The following NEK4 variants were observed in gnomAD, a reference collection of about 807,000 sequenced individuals.
The protein encoded by NEK4 is serine/threonine-protein kinase Nek4.
NEK4 carries 86 observed loss-of-function variants against 98.4 expected under a neutral mutation model. The ratio of observed to expected loss-of-function variants is 0.87; its 90% CI spans 0.73 to 1.05. NEK4 has a LOEUF of 1.05. NEK4 is among the 50% of genes least tolerant of loss of function. NEK4 has a pLI of 0.00. For synonymous variants in NEK4, 328 were observed against 342.2 expected (o/e 0.96, Z 0.46); for missense variants, 898 against 950.3 (o/e 0.94, Z 0.72).
intron 6 of NEK4, 150 bp from the exon 7 acceptor site, chr3:52,752,486 A>G: frequency 2.8e-6 from 2 of 712,352 alleles, no homozygotes; most frequent in Non-Finnish European, 2.3e-6. Flanking sequence ...AATCCAAGGA[A>G]CTGAAAGCAG....
In NEK4 at chr3:52,746,779, AG is replaced by A. The variant is rs755236925; in HGVS notation, c.1631del (p.Thr544MetfsTer54). On this transcript the variant is annotated frameshift_variant, in exon 9 of 16. Coordinates refer to ENST00000233027, the MANE Select transcript of NEK4 (RefSeq NM_003157.6). LOFTEE classifies it high-confidence loss of function. ...CCTGTCTCTTTTCCCCTCTGTGCTC[AG>A]TCTGTTCTCTCCTCTTTTGCCGTCG... ...RQRRQKRREQ[T>X]EHRGEKRQVR... 6.2e-7 allele frequency: 1 copy of A among 1,614,110 alleles called. No individual in the cohort carries two copies. Among genetic ancestry groups the A allele is most frequent in the East Asian group, 2.2e-5 (1 of 44,878 alleles).
chr3:52,711,574 C>G lies in NEK4; in HGVS notation c.*203G>C. ...TGTCCTCACAAAGAGAATATGAAAG[C>G]CAAAGTTTTTTTTCTTTTGTGATCC... On this transcript the variant is annotated 3_prime_UTR_variant, in exon 16 of 16. Coordinates refer to ENST00000233027, the MANE Select transcript of NEK4 (RefSeq NM_003157.6). 1 of 412,870 alleles carries G rather than the reference C, an allele frequency of 2.4e-6. No individual in the cohort carries two copies. The highest frequency in any genetic ancestry group is 3.7e-5 in the East Asian group (1 of 26,998). 25.6% of individuals were successfully genotyped at this position (412,870 alleles called of 1,614,324 possible). A position where few individuals can be genotyped will look rare whatever the true frequency, so the allele number is the denominator to read the frequency against.
At chr3:52,713,709 G>A (rs1305752659) in intron 15 of NEK4, among the ~76,000 whole-genome samples, 3 of 149,554 alleles carry the variant, frequency 2.0e-5, no homozygotes, top group African/African-American at 7.4e-5. Flanking sequence ...CGGAAGAATC[G>A]CTTGAACCCG....
chr3:52,767,266 A>G (rs1208216384), intron 2 of NEK4, among the ~76,000 whole-genome samples: 3 of 151,976 alleles, frequency 2.0e-5, no homozygotes, highest in Non-Finnish European at 4.4e-5. Context: ...AATCTGGGCG[A>G]CAGTGACACT....
At chr3:52,743,271 A>G in intron 12 of NEK4, 81 bp downstream of exon 12, 1 of 1,043,436 alleles carries the variant, frequency 9.6e-7, no homozygotes, top group Admixed American at 1.9e-5. Context: ...AAATAAATGG[A>G]GCTGACATTT....
chr3:52,734,793 G>A, intron 15 of NEK4: 1 of 269,450 alleles, frequency 3.7e-6, no homozygotes, highest in South Asian at 4.9e-5. Context: ...AAAACTGTTG[G>A]CATTGATGAT....
At chr3:52,736,594 A>T (rs901818047) in intron 15 of NEK4, among the ~76,000 whole-genome samples, 2 of 152,118 alleles carry the variant, frequency 1.3e-5, no homozygotes, top group Non-Finnish European at 2.9e-5. Context: ...TCATAAAAAA[A>T]AAAAAAAAAA....
At chr3:52,763,071 ATTC>A (rs1698418673) in intron 5 of NEK4, among the ~76,000 whole-genome samples, 1 of 152,188 alleles carries the variant, frequency 6.6e-6, no homozygotes, top group South Asian at 2.1e-4. Context: ...TATTAAAATA[ATTC>A]TTATCTTCCT....
Position 52,746,682 on chromosome 3 carries a change from A to G in NEK4, c.1677+52T>C. 4 of 1,520,090 alleles carry G rather than the reference A, an allele frequency of 2.6e-6. No individual in the cohort carries two copies. In the South Asian group the frequency reaches 3.7e-5, roughly 14 times the overall value. 94.2% of individuals were successfully genotyped at this position (1,520,090 alleles called of 1,614,324 possible). ...TTGGCAATTGTTAATTGCTCTAAAT[A>G]GAAATTGAGTTTCCCAAAGTCCACC... is the stretch of plus-strand genomic sequence containing the variant. On this transcript the variant is annotated intron_variant, in intron 9 of 15. Transcript: ENST00000233027.
At chr3:52,768,202 G>A (rs1698647080) in intron 2 of NEK4, 136 bp downstream of exon 2, 2 of 729,630 alleles carry the variant, frequency 2.7e-6, no homozygotes, top group East Asian at 2.5e-5. Flanking sequence ...AAGAGTGACT[G>A]GGTCAACTTC....
chr3:52,770,859 G>A lies in NEK4; in HGVS notation c.-113C>T, dbSNP rs1698757904. ...AGGGGGCAGTGGGGGCGGCTGTTGA[G>A]GCAGCCGGGCCCGGGCGGGATTGCT... On this transcript the variant is annotated 5_prime_UTR_variant, in exon 1 of 16. Transcript: ENST00000233027. 3.3e-6 allele frequency: 3 copies of A among 918,410 alleles called. No individual in the cohort carries two copies. The highest frequency in any genetic ancestry group is 2.9e-5 in the South Asian group (2 of 68,448). 56.9% of individuals were successfully genotyped at this position (918,410 alleles called of 1,614,324 possible). A position where few individuals can be genotyped will look rare whatever the true frequency, so the allele number is the denominator to read the frequency against.
chr3:52,768,271 C>A, intron 2 of NEK4, 67 bp downstream of exon 2: 2 of 1,484,508 alleles, frequency 1.3e-6, no homozygotes, highest in Non-Finnish European at 1.8e-6. Flanking sequence ...AAAAATTTTC[C>A]TAAAATACAC....
chr3:52,744,029 C>A (rs1156366069), intron 11 of NEK4, among the ~76,000 whole-genome samples: 2 of 152,092 alleles, frequency 1.3e-5, no homozygotes, highest in African/African-American at 2.4e-5. Flanking sequence ...CTTTAATATC[C>A]CCCTCCTCTG....
chr3:52,715,856 C>CA (rs1239254065), intron 15 of NEK4, among the ~76,000 whole-genome samples: 2 of 152,216 alleles, frequency 1.3e-5, no homozygotes, highest in Non-Finnish European at 2.9e-5. Context: ...CACCACGTTG[C>CA]ATGTGAAGAG....
At chr3:52,750,176 T>A (rs2097402765) in intron 7 of NEK4, among the ~76,000 whole-genome samples, 1 of 152,208 alleles carries the variant, frequency 6.6e-6, no homozygotes, top group African/African-American at 2.4e-5. Context: ...TATCCACATA[T>A]AACCTTCCTC....
At position 52,760,843 on chromosome 3, in the gene NEK4, T is replaced by C. The variant is rs1258283520; in HGVS notation, c.915A>G (p.Val305=). The change falls in exon 6 of 16, where the codon GTA becomes GTG. Residue 305 remains valine, a synonymous_variant. Coordinates refer to ENST00000233027, the MANE Select transcript of NEK4 (RefSeq NM_003157.6). Reference sequence around the variant, plus strand: ...CAGAAGAGAGTGGTTGGGGGTGGATTACTTCATGATTTGATTCTGCCTCTC... The same window carrying C: ...CAGAAGAGAGTGGTTGGGGGTGGATCACTTCATGATTTGATTCTGCCTCTC... ...VSGEAESNHE[V]IHPQPLSSEG... is the part of the protein sequence containing the mutation. 3 of 1,610,210 alleles carry C rather than the reference T, an allele frequency of 1.9e-6. No homozygotes were observed. Among genetic ancestry groups the C allele is most frequent in the Non-Finnish European group, 2.5e-6 (3 of 1,176,790 alleles).
intron 15 of NEK4, among the ~76,000 whole-genome samples, chr3:52,725,433 T>C (rs1578628290): frequency 6.6e-6 from 1 of 151,572 alleles, no homozygotes; most frequent in East Asian, 1.9e-4. Context: ...GAGAATGGAG[T>C]GAACCCGGGA....
intron 15 of NEK4, among the ~76,000 whole-genome samples, chr3:52,727,145 T>C (rs908431691): frequency 1.3e-5 from 2 of 152,044 alleles, no homozygotes; most frequent in African/African-American, 2.4e-5. Flanking sequence ...CAGCTAATTT[T>C]GTATTTTTAG....
At chr3:52,724,914 T>C (rs1400499310) in intron 15 of NEK4, among the ~76,000 whole-genome samples, 1 of 152,218 alleles carries the variant, frequency 6.6e-6, no homozygotes, top group African/African-American at 2.4e-5. Context: ...GAACATCACA[T>C]TGTACTCTAT....
Sources: allele counts gnomAD v4.1 joint callset (sites outside exome capture counted in the v4.1 genomes callset), GRCh38; gene constraint gnomAD v4.1.1; transcripts MANE v1.5; gene names NCBI Gene and HGNC (gene_info 2026-07-23, HGNC 2026-07-21).